Variants in RARB observed in about 807,000 individuals in gnomAD.
RARB encodes HBV-activated protein.
A neutral mutation model predicts 51.9 loss-of-function variants in RARB; 17 were observed. The observed-to-expected ratio is 0.33, with a 90% CI of 0.22 to 0.49. The LOEUF (loss-of-function observed/expected upper bound fraction) is 0.49, where lower values mean the gene tolerates loss of function less well. Among genes scored for constraint, RARB ranks in the 20% least tolerant of loss-of-function variants. The pLI is 0.99. For missense variants in RARB, 369 were observed against 550.8 expected, an observed-to-expected ratio of 0.67 and a Z score of 3.30; for synonymous variants, 215 against 195.4, an observed-to-expected ratio of 1.10 and a Z score of -0.84.
chr3:24,889,596 T>C (rs1038165389), intron 2 of RARB, among the ~76,000 whole-genome samples: 1 of 152,086 alleles, frequency 6.6e-6, no homozygotes, highest in Admixed American at 6.6e-5. Flanking sequence ...GGAAAACTTT[T>C]TGTTTTTAAT....
chr3:25,206,528 T>C (rs1424864508), intron 5 of RARB, among the ~76,000 whole-genome samples: 1 of 152,206 alleles, frequency 6.6e-6, no homozygotes, highest in Non-Finnish European at 1.5e-5. Context: ...TTTGAACCTT[T>C]CGAGAAAATC....
At chr3:25,470,430 G>A (rs1695628558) in intron 2 of RARB, among the ~76,000 whole-genome samples, 1 of 152,164 alleles carries the variant, frequency 6.6e-6, no homozygotes, top group African/African-American at 2.4e-5. Flanking sequence ...CAGAGAAGGA[G>A]TCTCGGATCC....
intron 3 of RARB, among the ~76,000 whole-genome samples, chr3:25,520,893 T>C (rs1698373557): frequency 6.6e-6 from 1 of 152,180 alleles, no homozygotes; most frequent in Non-Finnish European, 1.5e-5. Flanking sequence ...TGGCCCATTT[T>C]AAAGATGGAC....
intron 4 of RARB, among the ~76,000 whole-genome samples, chr3:25,171,906 C>CT (rs35506754): frequency 6.6e-6 from 1 of 151,680 alleles, no homozygotes; most frequent in Non-Finnish European, 1.5e-5. Flanking sequence ...ATAACGTATG[C>CT]TTTTTTGAAG....
intron 3 of RARB, among the ~76,000 whole-genome samples, chr3:25,076,949 C>T (rs1698882518): frequency 6.6e-6 from 1 of 152,164 alleles, no homozygotes; most frequent in Non-Finnish European, 1.5e-5. Flanking sequence ...TATAAATAAA[C>T]ATCATTGTAA....
intron 2 of RARB, among the ~76,000 whole-genome samples, chr3:25,039,303 A>G (rs1186177210): frequency 2.0e-5 from 3 of 152,240 alleles, no homozygotes; most frequent in Admixed American, 6.5e-5. Flanking sequence ...ACCAAACCTC[A>G]GTGGAAAATA....
intron 5 of RARB, among the ~76,000 whole-genome samples, chr3:25,306,565 G>C (rs531716083): frequency 6.6e-6 from 1 of 151,616 alleles, no homozygotes; most frequent in Non-Finnish European, 1.5e-5. Context: ...ACCCTGTTAC[G>C]TGAGGAAAAT....
intron 2 of RARB, among the ~76,000 whole-genome samples, chr3:24,869,747 A>C (rs529410957): frequency 1.1e-4 from 17 of 152,182 alleles, no homozygotes; most frequent in Admixed American, 9.8e-4. Context: ...ATAAGCAGTA[A>C]ACATAATTGT....
intron 4 of RARB, among the ~76,000 whole-genome samples, chr3:25,134,914 T>C (rs1283502519): frequency 1.3e-5 from 2 of 152,018 alleles, no homozygotes; most frequent in Non-Finnish European, 2.9e-5. Flanking sequence ...ATGAGTAGAT[T>C]TGTGTTCCAT....
intron 2 of RARB, among the ~76,000 whole-genome samples, chr3:25,009,902 T>C (rs986871690): frequency 6.6e-6 from 1 of 152,080 alleles, no homozygotes; most frequent in African/African-American, 2.4e-5. Flanking sequence ...CTGAACCCGA[T>C]TTGAACCTTT....
At chr3:24,967,395 C>T (rs1696299479) in intron 2 of RARB, among the ~76,000 whole-genome samples, 1 of 152,140 alleles carries the variant, frequency 6.6e-6, no homozygotes, top group African/African-American at 2.4e-5. Context: ...TTCTTCACTA[C>T]CCCCGCAAAT....
intron 3 of RARB, among the ~76,000 whole-genome samples, chr3:25,516,818 G>C (rs937535989): frequency 2.6e-5 from 4 of 151,902 alleles, no homozygotes; most frequent in African/African-American, 9.7e-5. Context: ...GCAGAAATAG[G>C]GTTTTGCCAT....
intron 2 of RARB, among the ~76,000 whole-genome samples, chr3:25,486,036 G>T (rs548417784): frequency 1.2e-4 from 19 of 152,202 alleles, no homozygotes; most frequent in Middle Eastern, 3.2e-3. Context: ...ACAAATATCA[G>T]ATATGATGCA....
At chr3:24,995,481 C>A (rs1488532362) in intron 2 of RARB, among the ~76,000 whole-genome samples, 1 of 152,070 alleles carries the variant, frequency 6.6e-6, no homozygotes, top group Non-Finnish European at 1.5e-5. Context: ...CCAAATTTCT[C>A]TAGCTAGGAC....
intron 2 of RARB, among the ~76,000 whole-genome samples, chr3:25,463,172 C>G (rs1412287252): frequency 3.3e-5 from 5 of 152,044 alleles, no homozygotes; most frequent in Non-Finnish European, 7.4e-5. Context: ...CACGCCCAGC[C>G]CCACTCAATT....
chr3:24,969,709 C>T (rs867270193), intron 2 of RARB, among the ~76,000 whole-genome samples: 3 of 152,218 alleles, frequency 2.0e-5, no homozygotes, highest in Non-Finnish European at 4.4e-5. Context: ...CTTCACTAAG[C>T]CTTCTGTGTA....
intron 2 of RARB, among the ~76,000 whole-genome samples, chr3:24,947,515 A>G (rs1695800478): frequency 6.6e-6 from 1 of 152,258 alleles, no homozygotes; most frequent in Non-Finnish European, 1.5e-5. Flanking sequence ...GCTGTGAGCC[A>G]ACGTCTCTTC....
chr3:25,178,867 C>T (rs1311386927), intron 5 of RARB, among the ~76,000 whole-genome samples: 2 of 152,168 alleles, frequency 1.3e-5, no homozygotes, highest in Non-Finnish European at 2.9e-5. Flanking sequence ...GGACAGCTGT[C>T]TGTCTGTCTC....
At chr3:25,152,658 C>T (rs897635947) in intron 4 of RARB, among the ~76,000 whole-genome samples, 1 of 152,048 alleles carries the variant, frequency 6.6e-6, no homozygotes, top group Non-Finnish European at 1.5e-5. Flanking sequence ...CACAGTAATA[C>T]AACCAGCCTG....
Sources: gnomAD v4.1 joint callset for allele counts (sites outside exome capture counted in the v4.1 genomes callset) on GRCh38, gnomAD v4.1.1 for gene constraint, MANE v1.5 for transcripts, NCBI Gene and HGNC (gene_info 2026-07-23, HGNC 2026-07-21) for gene names.